DNAH11: variants seen among roughly 807,000 people sequenced by gnomAD.
DNAH11 encodes axonemal beta dynein heavy chain 11.
A neutral mutation model predicts 526.0 loss-of-function variants in DNAH11; 442 were observed. That is an observed-to-expected ratio of 0.84 (90% confidence interval 0.78 to 0.91). The LOEUF (loss-of-function observed/expected upper bound fraction) is 0.91, where lower values mean the gene tolerates loss of function less well. Among genes scored for constraint, DNAH11 ranks in the 40% least tolerant of loss-of-function variants. DNAH11 has a pLI of 0.00. For missense variants in DNAH11, 6,989 were observed against 5,448.7 expected (o/e 1.28, Z -8.90); for synonymous variants, 2,461 against 1,935.9 (o/e 1.27, Z -7.12).
intron 46 of DNAH11, among the ~76,000 whole-genome samples, chr7:21,736,452 G>A (rs1356746784): frequency 2.0e-5 from 3 of 152,032 alleles, no homozygotes; most frequent in Admixed American, 2.0e-4. Context: ...AGGGAAAGGG[G>A]GCTCTGTTGG....
intron 11 of DNAH11, among the ~76,000 whole-genome samples, 160 bp downstream of exon 11, chr7:21,588,796 G>A (rs1784567109): frequency 1.3e-5 from 2 of 152,064 alleles, no homozygotes; most frequent in Admixed American, 6.6e-5. Context: ...CCATGGTTTT[G>A]GAATATTTCT....
chr7:21,638,691 G>GTGTGT (rs1786978186), intron 27 of DNAH11, among the ~76,000 whole-genome samples: 1 of 144,118 alleles, frequency 6.9e-6, no homozygotes, highest in African/African-American at 2.6e-5. Flanking sequence ...CAGCTAATGG[G>GTGTGT]GTGTGTGTGT....
chr7:21,884,263 G>C (rs1784039723), intron 75 of DNAH11, 28 bp from the exon 76 acceptor site: 1 of 1,583,076 alleles, frequency 6.3e-7, no homozygotes, highest in African/African-American at 1.4e-5. Flanking sequence ...GCACCCAGCA[G>C]TGAATATTTG....
At chr7:21,608,118 A>G (rs1439434621) in intron 20 of DNAH11, among the ~76,000 whole-genome samples, 5 of 151,374 alleles carry the variant, frequency 3.3e-5, no homozygotes, top group African/African-American at 1.2e-4. Context: ...ACTTTTAACC[A>G]TAGTCAAGGA....
Position 21,751,279 on chromosome 7 carries a change from G to A in DNAH11, c.8940+915G>A, listed in dbSNP as rs531747640. On this transcript the variant is annotated intron_variant, in intron 54 of 81. Coordinates refer to ENST00000409508, the MANE Select transcript of DNAH11 (RefSeq NM_001277115.2). ...GCAGAGGTTGCAGTGAGCCAAGATCGCGCCATTGTACTCCAGCCTGGGTGA... is the reference window on the plus strand; with the variant it reads ...GCAGAGGTTGCAGTGAGCCAAGATCACGCCATTGTACTCCAGCCTGGGTGA... 1.7e-3 allele frequency among the ~76,000 whole-genome samples: 255 copies of A among 152,194 alleles called. 4 individuals are homozygous for A. Among genetic ancestry groups the A allele is most frequent in the Non-Finnish European group, 1.7e-3 (116 of 67,988 alleles).
intron 66 of DNAH11, among the ~76,000 whole-genome samples, chr7:21,850,682 A>G (rs993192670): frequency 2.1e-5 from 3 of 140,488 alleles, no homozygotes; most frequent in Non-Finnish European, 3.0e-5. Flanking sequence ...AAAACCAGAC[A>G]TGATGTATTA....
At position 21,901,286 on chromosome 7, in the gene DNAH11, G is replaced by GAGTGCAGTGAGGATTTTCTAGCATGT; in HGVS notation, c.*33_*58dup. ...ACTGGCATTCCTCTAGCCTCTGCTG[G>GAGTGCAGTGAGGATTTTCTAGCATGT]AGTGCAGTGAGGATTTTCTAGCATG... is the stretch of plus-strand genomic sequence containing the variant. On this transcript the variant is annotated 3_prime_UTR_variant, in exon 82 of 82. Coordinates refer to ENST00000409508, the MANE Select transcript of DNAH11 (RefSeq NM_001277115.2). 1.3e-6 allele frequency: 2 copies of GAGTGCAGTGAGGATTTTCTAGCATGT among 1,566,392 alleles called. No homozygotes were observed. The highest frequency in any genetic ancestry group is 1.7e-6 in the Non-Finnish European group (2 of 1,156,664).
chr7:21,685,636 A>C lies in DNAH11; in HGVS notation c.5622-1463A>C, dbSNP rs149007220. Among the ~76,000 whole-genome samples the C allele has an allele frequency of 2.3e-3, 349 of 152,300 alleles. 2 individuals are homozygous for C. Among genetic ancestry groups the C allele is most frequent in the African/African-American group, 7.6e-3 (315 of 41,558 alleles). ...TTCTTCCATATGTGGATGGGTTCAG[A>C]GACTTAAGTCAACTGTGTATTGACT... On this transcript the variant is annotated intron_variant, in intron 32 of 81. Coordinates refer to ENST00000409508, the MANE Select transcript of DNAH11 (RefSeq NM_001277115.2).
chr7:21,580,165 T>C (rs1784257168), intron 8 of DNAH11, among the ~76,000 whole-genome samples: 1 of 152,162 alleles, frequency 6.6e-6, no homozygotes, highest in Non-Finnish European at 1.5e-5. Flanking sequence ...AGGTGACAGA[T>C]ATCAGGGAGG....
At chr7:21,552,546 T>C (rs574332839) in intron 2 of DNAH11, among the ~76,000 whole-genome samples, 1 of 152,312 alleles carries the variant, frequency 6.6e-6, no homozygotes, top group Admixed American at 6.5e-5. Context: ...AGTAAGCTTA[T>C]GGTGGTTTCT....
chr7:21,735,036 G>A (rs368874376), intron 45 of DNAH11, among the ~76,000 whole-genome samples: 1 of 151,792 alleles, frequency 6.6e-6, no homozygotes, highest in East Asian at 1.9e-4. Context: ...CGGGCGTGGT[G>A]GTGCACACCT....
intron 9 of DNAH11, among the ~76,000 whole-genome samples, chr7:21,586,261 G>A (rs1373380260): frequency 6.6e-6 from 1 of 152,106 alleles, no homozygotes; most frequent in African/African-American, 2.4e-5. Context: ...ACAAAATAAT[G>A]TTGTGAAATA....
intron 66 of DNAH11, among the ~76,000 whole-genome samples, chr7:21,844,634 A>G (rs1284332900): frequency 6.6e-6 from 1 of 152,242 alleles, no homozygotes; most frequent in Admixed American, 6.5e-5. Context: ...GTCCTGGAAC[A>G]GCAGCATCAC....
At chr7:21,653,467 T>C (rs1278397038) in intron 28 of DNAH11, among the ~76,000 whole-genome samples, 1 of 152,170 alleles carries the variant, frequency 6.6e-6, no homozygotes, top group East Asian at 1.9e-4. Flanking sequence ...TAGAAGTTCT[T>C]GAAATTATTT....
intron 60 of DNAH11, among the ~76,000 whole-genome samples, chr7:21,788,709 C>T (rs1027188391): frequency 3.9e-5 from 6 of 152,158 alleles, no homozygotes; most frequent in Non-Finnish European, 4.4e-5. Flanking sequence ...TCCCACCCTC[C>T]TTTCTGTGTT....
chr7:21,662,504 T>C (rs537276808), intron 30 of DNAH11, among the ~76,000 whole-genome samples: 2 of 152,280 alleles, frequency 1.3e-5, no homozygotes, highest in African/African-American at 4.8e-5. Context: ...GAAAGGTAAA[T>C]ACTGTGTATA....
intron 45 of DNAH11, among the ~76,000 whole-genome samples, chr7:21,733,167 A>C (rs1373309723): frequency 6.6e-6 from 1 of 152,220 alleles, no homozygotes; most frequent in Admixed American, 6.5e-5. Context: ...TGGGTGGATC[A>C]CCTGAGGCCA....
At chr7:21,899,050 G>C (rs1023933563) in intron 79 of DNAH11, among the ~76,000 whole-genome samples, 1 of 152,208 alleles carries the variant, frequency 6.6e-6, no homozygotes, top group Non-Finnish European at 1.5e-5. Flanking sequence ...CACATAGCAT[G>C]AAGAGGCTCT....
chr7:21,870,259 C>G (rs956716884), intron 73 of DNAH11, among the ~76,000 whole-genome samples: 2 of 152,156 alleles, frequency 1.3e-5, no homozygotes, highest in African/African-American at 2.4e-5. Flanking sequence ...GTTGGCCTCC[C>G]TTAGTGTCTC....
Sources: allele counts gnomAD v4.1 joint callset (sites outside exome capture counted in the v4.1 genomes callset), GRCh38; gene constraint gnomAD v4.1.1; transcripts MANE v1.5; gene names NCBI Gene and HGNC (gene_info 2026-07-23, HGNC 2026-07-21).